THSD7B: variants seen among roughly 807,000 people sequenced by gnomAD.
THSD7B encodes thrombospondin type-1 domain-containing protein 7B.
Under a neutral mutation model 213.6 loss-of-function variants are expected in THSD7B, and 138 were observed. That is an observed-to-expected ratio of 0.65 (90% CI 0.56 to 0.74). THSD7B has a LOEUF of 0.74. Among genes scored for constraint, THSD7B ranks in the 30% least tolerant of loss-of-function variants. The probability of loss-of-function intolerance (pLI) is 0.00; values close to 1 mark genes in which losing one functional copy is unlikely to be tolerated. For synonymous variants in THSD7B, 742 were observed against 687.0 expected (o/e 1.08, Z -1.25); for missense variants, 1,931 against 1,991.5 (o/e 0.97, Z 0.58).
chr2:137,560,905 A>C (rs1681103992), intron 15 of THSD7B, among the ~76,000 whole-genome samples: 1 of 152,120 alleles, frequency 6.6e-6, no homozygotes. Context: ...AAGAAACACT[A>C]ACTGGGGTCA....
chr2:137,629,422 A>G (rs1682697734), intron 20 of THSD7B, among the ~76,000 whole-genome samples: 3 of 152,132 alleles, frequency 2.0e-5, no homozygotes, highest in African/African-American at 7.2e-5. Flanking sequence ...TTTAGTATTA[A>G]AAGATCACTT....
At chr2:137,050,350 G>A (rs1573789673) in intron 2 of THSD7B, among the ~76,000 whole-genome samples, 1 of 152,142 alleles carries the variant, frequency 6.6e-6, no homozygotes, top group African/African-American at 2.4e-5. Context: ...AATCTGCTTT[G>A]CTGTCGAGCT....
At chr2:136,851,719 C>T (rs1683101677) in intron 1 of THSD7B, among the ~76,000 whole-genome samples, 1 of 151,986 alleles carries the variant, frequency 6.6e-6, no homozygotes. Flanking sequence ...AATAGAAATA[C>T]TTGAAGTCTC....
At chr2:137,604,685 T>TA (rs1247485102) in intron 17 of THSD7B, among the ~76,000 whole-genome samples, 1 of 152,202 alleles carries the variant, frequency 6.6e-6, no homozygotes, top group East Asian at 1.9e-4. Context: ...ATACTGGGCA[T>TA]AGTGATCTCT....
At chr2:137,539,938 T>C (rs1318714878) in intron 15 of THSD7B, among the ~76,000 whole-genome samples, 1 of 151,756 alleles carries the variant, frequency 6.6e-6, no homozygotes, top group African/African-American at 2.4e-5. Context: ...TATATTATTT[T>C]AATTTAACTT....
intron 3 of THSD7B, among the ~76,000 whole-genome samples, chr2:137,072,857 A>G (rs1438603495): frequency 2.0e-5 from 3 of 152,176 alleles, no homozygotes; most frequent in Admixed American, 6.5e-5. Flanking sequence ...ATCTATTGAG[A>G]TAACCATGTG....
At chr2:136,842,237 G>T (rs1206399431) in intron 1 of THSD7B, among the ~76,000 whole-genome samples, 1 of 152,200 alleles carries the variant, frequency 6.6e-6, no homozygotes, top group Non-Finnish European at 1.5e-5. Context: ...TGGAAAAAAA[G>T]AACTGCGCTG....
intron 7 of THSD7B, among the ~76,000 whole-genome samples, chr2:137,227,623 A>G (rs1190088434): frequency 6.6e-6 from 1 of 152,188 alleles, no homozygotes; most frequent in Non-Finnish European, 1.5e-5. Flanking sequence ...GAAGATAATT[A>G]TACCAATGTA....
intron 12 of THSD7B, among the ~76,000 whole-genome samples, chr2:137,383,431 T>C (rs1685823724): frequency 6.6e-6 from 1 of 152,176 alleles, no homozygotes; most frequent in Admixed American, 6.5e-5. Flanking sequence ...ATAAGGCCTA[T>C]GCATCAGACC....
chr2:137,431,346 C>A (rs188823839), intron 14 of THSD7B, among the ~76,000 whole-genome samples: 19 of 152,190 alleles, frequency 1.2e-4, no homozygotes, highest in Admixed American at 1.2e-3. Flanking sequence ...ATTGTAGAGA[C>A]CAGGGTTCTT....
intron 2 of THSD7B, among the ~76,000 whole-genome samples, chr2:137,023,885 C>T (rs1021604091): frequency 7.9e-5 from 12 of 150,974 alleles, no homozygotes; most frequent in African/African-American, 2.9e-4. Context: ...ACTTCAAATT[C>T]GACAAATGAA....
In THSD7B at chr2:137,130,759, T is replaced by G. The variant is rs1191782530; in HGVS notation, c.1369+15466T>G. Reference sequence around the variant, plus strand: ...TTCCATGGTGTATATGTGCCCCATTTTCTTAATCCAGTCTATCATTGTTGG... The same window carrying G: ...TTCCATGGTGTATATGTGCCCCATTGTCTTAATCCAGTCTATCATTGTTGG... On this transcript the variant is annotated intron_variant, in intron 5 of 27. Coordinates refer to ENST00000409968, the MANE Select transcript of THSD7B (RefSeq NM_001316349.2). Among the ~76,000 whole-genome samples, 994 of 136,534 alleles carry G rather than the reference T, an allele frequency of 7.3e-3. 17 individuals carry two copies. The highest frequency in any genetic ancestry group is 0.025 in the African/African-American group (952 of 38,386). The allele number at this position is 136,534 out of a possible 152,430, so 89.6% of individuals were successfully genotyped here.
At chr2:137,500,085 T>C (rs1219272148) in intron 15 of THSD7B, among the ~76,000 whole-genome samples, 3 of 152,140 alleles carry the variant, frequency 2.0e-5, no homozygotes, top group Non-Finnish European at 2.9e-5. Context: ...TGTTTATACA[T>C]GGAGTTCAGA....
rs995234664 is a variant in THSD7B at position 136,977,101 on chromosome 2, C to T, written c.140-79319C>T. Among the ~76,000 whole-genome samples, 19 of 151,020 alleles carry T rather than the reference C, an allele frequency of 1.3e-4. 1 individual carries two copies. In the East Asian group the frequency reaches 3.7e-3, roughly 29 times the overall value. The stretch of plus-strand genomic sequence containing the variant: ...AGCTGTAAATCTGTCTGGTCCTAAG[C>T]TTTTTTTTTGGTTGATAGGCTATTA... On this transcript the variant is annotated intron_variant, in intron 2 of 27. Coordinates refer to ENST00000409968, the MANE Select transcript of THSD7B (RefSeq NM_001316349.2).
At chr2:136,970,669 A>C (rs1221581030) in intron 2 of THSD7B, among the ~76,000 whole-genome samples, 1 of 152,162 alleles carries the variant, frequency 6.6e-6, no homozygotes, top group Non-Finnish European at 1.5e-5. Flanking sequence ...GCCACACATC[A>C]GTAACTAGAT....
At chr2:137,228,298 G>A (rs1681558139) in intron 7 of THSD7B, among the ~76,000 whole-genome samples, 2 of 152,076 alleles carry the variant, frequency 1.3e-5, no homozygotes, top group Admixed American at 6.6e-5. Context: ...GTTGGTGTTG[G>A]TGGGAGTATT....
intron 20 of THSD7B, among the ~76,000 whole-genome samples, chr2:137,625,360 GA>G (rs1362701832): frequency 6.6e-6 from 1 of 150,952 alleles, no homozygotes; most frequent in African/African-American, 2.4e-5. Flanking sequence ...AACATTAGGG[GA>G]AATACCTAGT....
chr2:137,188,685 C>T (rs35372560), intron 7 of THSD7B, among the ~76,000 whole-genome samples: 1 of 152,142 alleles, frequency 6.6e-6, no homozygotes. Flanking sequence ...TGTTTTCCTA[C>T]AGATAGCATT....
intron 2 of THSD7B, among the ~76,000 whole-genome samples, chr2:136,911,621 A>G (rs1684259378): frequency 6.6e-6 from 1 of 152,228 alleles, no homozygotes; most frequent in South Asian, 2.1e-4. Flanking sequence ...TTATAGATGT[A>G]ATGTTCATAT....
Sources: gnomAD v4.1 joint callset for allele counts (sites outside exome capture counted in the v4.1 genomes callset) on GRCh38, gnomAD v4.1.1 for gene constraint, MANE v1.5 for transcripts, NCBI Gene and HGNC (gene_info 2026-07-23, HGNC 2026-07-21) for gene names.